The following GOLM1 variants were observed in gnomAD, a reference collection of about 807,000 sequenced individuals.
GOLM1 encodes golgi membrane protein 1, also known as epididymis luminal protein 46.
In GOLM1, 31 loss-of-function variants were observed where a neutral mutation model predicts 50.5. The ratio of observed to expected loss-of-function variants is 0.61; its 90% CI spans 0.46 to 0.83. The LOEUF is 0.83. Ranked by LOEUF, GOLM1 falls within the 40% of genes least tolerant of loss-of-function variation. The pLI, the probability that GOLM1 is intolerant of heterozygous loss-of-function variation, is 0.00. For missense variants in GOLM1, 491 were observed against 501.3 expected, an observed-to-expected ratio of 0.98 and a Z score of 0.20; for synonymous variants, 178 against 192.8, an observed-to-expected ratio of 0.92 and a Z score of 0.64.
intron 3 of GOLM1, among the ~76,000 whole-genome samples, chr9:86,068,035 A>T (rs111824672): frequency 1.6e-3 from 242 of 151,598 alleles, no homozygotes; most frequent in African/African-American, 3.9e-3. Flanking sequence ...AAATAAATTT[A>T]AAAAAAAAGA....
At chr9:86,081,526 T>C (rs569321775) in intron 1 of GOLM1, among the ~76,000 whole-genome samples, 19 of 152,130 alleles carry the variant, frequency 1.2e-4, no homozygotes, top group Non-Finnish European at 2.4e-4. Context: ...AAAGTACAAA[T>C]ACAAGAGGGG....
intron 8 of GOLM1, 136 bp from the exon 9 acceptor site, chr9:86,033,531 G>A (rs1470952317): frequency 6.4e-6 from 4 of 628,192 alleles, no homozygotes; most frequent in Non-Finnish European, 1.1e-5. Flanking sequence ...GAAATGGTAG[G>A]GACGCAAGGG....
intron 1 of GOLM1, among the ~76,000 whole-genome samples, chr9:86,080,642 C>T (rs1834754636): frequency 6.6e-6 from 1 of 152,072 alleles, no homozygotes; most frequent in African/African-American, 2.4e-5. Flanking sequence ...CAGCTAGCTA[C>T]TAGTATGGGG....
Position 86,027,409 on chromosome 9 carries a change from T to C in GOLM1, c.*408A>G. 9.9e-7 allele frequency: 1 copy of C among 1,010,996 alleles called. No individual in the cohort carries two copies. Among genetic ancestry groups the C allele is most frequent in the Non-Finnish European group, 1.2e-6 (1 of 846,742 alleles). The allele number at this position is 1,010,996 out of a possible 1,614,324, so 62.6% of individuals were successfully genotyped here. On this transcript the variant is annotated 3_prime_UTR_variant, in exon 10 of 10. Transcript: ENST00000388712. ...TGGCACCAGCACTTGGTACAGCACG[T>C]GGACAGGACGACGGAACCCAGAGTT... is the stretch of plus-strand genomic sequence containing the variant.
intron 3 of GOLM1, among the ~76,000 whole-genome samples, chr9:86,056,726 A>G (rs766246111): frequency 1.1e-4 from 16 of 151,846 alleles, no homozygotes; most frequent in Non-Finnish European, 8.8e-5. Context: ...GGATGGTCTC[A>G]ATCTCCTGAC....
intron 6 of GOLM1, among the ~76,000 whole-genome samples, chr9:86,038,031 G>A (rs777098094): frequency 6.6e-5 from 10 of 152,068 alleles, no homozygotes; most frequent in Non-Finnish European, 1.5e-4. Flanking sequence ...GCGCATGCCT[G>A]TAATCCCAGC....
chr9:86,035,636 AAC>A lies in GOLM1; in HGVS notation c.758-13_758-12del, dbSNP rs747997493. 37 of 1,581,220 alleles carry A rather than the reference AAC, an allele frequency of 2.3e-5. No homozygotes were observed. The highest frequency in any genetic ancestry group is 3.1e-5 in the Non-Finnish European group (36 of 1,164,506). On this transcript the variant is annotated splice_polypyrimidine_tract_variant and intron_variant, in intron 7 of 9. Coordinates refer to ENST00000388712, the MANE Select transcript of GOLM1 (RefSeq NM_016548.4). ...TCTCATTGGTTTCCTCTGTGCACAG[AAC>A]ACAGTTAGCTGTGACCTTGCCAGCA...
intron 6 of GOLM1, among the ~76,000 whole-genome samples, chr9:86,038,258 A>C (rs1296724719): frequency 6.6e-6 from 1 of 152,142 alleles, no homozygotes; most frequent in Non-Finnish European, 1.5e-5. Context: ...GCTCTCAGTG[A>C]ATATTAGAGA....
chr9:86,097,573 C>T (rs571876556), intron 1 of GOLM1, among the ~76,000 whole-genome samples: 119 of 152,282 alleles, frequency 7.8e-4, no homozygotes, highest in Non-Finnish European at 1.4e-3. Context: ...TTGAGAAAGG[C>T]GGCTGGACCT....
chr9:86,027,332 G>GTGAC lies in GOLM1; in HGVS notation c.*481_*484dup, dbSNP rs1308759335. ...GATTGATTGATTGTCAGAATCAGAA[G>GTGAC]TGACTACACAAGAGCATTAGCCAGA... is the stretch of plus-strand genomic sequence containing the variant. On this transcript the variant is annotated 3_prime_UTR_variant, in exon 10 of 10. Transcript: ENST00000388712. 2.2e-5 allele frequency: 22 copies of GTGAC among 986,564 alleles called. No individual in the cohort carries two copies. The African/African-American group carries it at 2.8e-4, about 13-fold the overall frequency. 61.1% of individuals were successfully genotyped at this position (986,564 alleles called of 1,614,324 possible). A position where few individuals can be genotyped will look rare whatever the true frequency, so the allele number is the denominator to read the frequency against.
At chr9:86,044,933 C>T (rs1168475318) in intron 5 of GOLM1, among the ~76,000 whole-genome samples, 5 of 150,928 alleles carry the variant, frequency 3.3e-5, no homozygotes, top group African/African-American at 7.3e-5. Flanking sequence ...GCCTGGGAAA[C>T]GAGCTGTGAA....
chr9:86,088,858 G>C (rs925250329), intron 1 of GOLM1, among the ~76,000 whole-genome samples: 1 of 152,014 alleles, frequency 6.6e-6, no homozygotes, highest in Non-Finnish European at 1.5e-5. Flanking sequence ...TCATAGTGTC[G>C]ATGGTCTTTA....
intron 9 of GOLM1, among the ~76,000 whole-genome samples, chr9:86,030,012 G>C (rs1201468829): frequency 6.6e-6 from 1 of 152,118 alleles, no homozygotes; most frequent in Non-Finnish European, 1.5e-5. Context: ...AGGATTTCGA[G>C]ACCAGCCTAG....
chr9:86,052,212 CA>C (rs1268333784), intron 4 of GOLM1, among the ~76,000 whole-genome samples: 1 of 152,074 alleles, frequency 6.6e-6, no homozygotes, highest in African/African-American at 2.4e-5. Flanking sequence ...TCAGCATGAC[CA>C]AATTAACAGG....
intron 3 of GOLM1, among the ~76,000 whole-genome samples, chr9:86,073,292 T>C (rs958697227): frequency 6.6e-5 from 10 of 152,200 alleles, no homozygotes; most frequent in Admixed American, 5.2e-4. Context: ...AAAAATTCTA[T>C]ATTCTGAGCC....
In GOLM1 at chr9:86,054,414, G is replaced by A. The variant is rs566012325; in HGVS notation, c.310-1823C>T. 5.3e-5 allele frequency among the ~76,000 whole-genome samples: 8 copies of A among 152,146 alleles called. No homozygotes were observed. The South Asian group carries it at 1.0e-3, about 20-fold the overall frequency. ...TCCCAAGTAGCTGGGAGTAGAGATGGGGTTTCACCATGTTGGCCAGGCTGG... is the reference window on the plus strand; with the variant it reads ...TCCCAAGTAGCTGGGAGTAGAGATGAGGTTTCACCATGTTGGCCAGGCTGG... On this transcript the variant is annotated intron_variant, in intron 3 of 9. Coordinates refer to ENST00000388712, the MANE Select transcript of GOLM1 (RefSeq NM_016548.4).
At chr9:86,035,039 A>G (rs1044120296) in intron 8 of GOLM1, 1 of 985,342 alleles carries the variant, frequency 1.0e-6, no homozygotes, top group Non-Finnish European at 1.2e-6. Context: ...GACGGTGGAC[A>G]TACAAAAATG....
chr9:86,026,290 AG>A lies in GOLM1; in HGVS notation c.*1526del, dbSNP rs1458433121. The A allele has an allele frequency of 2.0e-6, 2 of 985,066 alleles. No homozygotes were observed. The highest frequency in any genetic ancestry group is 1.2e-4 in the Admixed American group (2 of 16,264). 61.0% of individuals were successfully genotyped at this position (985,066 alleles called of 1,614,324 possible). ...AAGTGAGGCTGGAAGAGGACTTAGA[AG>A]AGTATGAAAGTACTCTAAGATTTTA... On this transcript the variant is annotated 3_prime_UTR_variant, in exon 10 of 10. Coordinates refer to ENST00000388712, the MANE Select transcript of GOLM1 (RefSeq NM_016548.4).
At chr9:86,034,959 A>C in intron 8 of GOLM1, 83 of 875,354 alleles carry the variant, frequency 9.5e-5, no homozygotes, top group Middle Eastern at 5.8e-4. Flanking sequence ...TCATCTACCC[A>C]ATATTCCTTC....
Sources: gnomAD v4.1 joint callset for allele counts (sites outside exome capture counted in the v4.1 genomes callset) on GRCh38, gnomAD v4.1.1 for gene constraint, MANE v1.5 for transcripts, NCBI Gene and HGNC (gene_info 2026-07-23, HGNC 2026-07-21) for gene names.